The following PDE1C variants were observed in gnomAD, a reference collection of about 807,000 sequenced individuals.
The protein encoded by PDE1C is phosphodiesterase 1C.
Under a neutral mutation model 93.1 loss-of-function variants are expected in PDE1C, and 62 were observed. That is an observed-to-expected ratio of 0.67 (90% confidence interval 0.54 to 0.82). The LOEUF is 0.82. Among genes scored for constraint, PDE1C ranks in the 40% least tolerant of loss-of-function variants. PDE1C has a pLI of 0.00. For synonymous variants in PDE1C, 325 were observed against 310.1 expected, an observed-to-expected ratio of 1.05 and a Z score of -0.50; for missense variants, 742 against 884.6, an observed-to-expected ratio of 0.84 and a Z score of 2.04.
At chr7:31,959,594 G>T (rs1808633360) in intron 2 of PDE1C, among the ~76,000 whole-genome samples, 1 of 152,134 alleles carries the variant, frequency 6.6e-6, no homozygotes, top group South Asian at 2.1e-4. Flanking sequence ...TAAGACTATG[G>T]TGACAGGAAA....
chr7:31,681,374 T>C, the PDE1C span, among the ~76,000 whole-genome samples: 745 of 3,036 alleles, frequency 0.25, 7 homozygotes, highest in African/African-American at 0.41. Context: ...GATGGACGGA[T>C]GGATGGATGG....
intron 2 of PDE1C, among the ~76,000 whole-genome samples, chr7:31,955,719 G>A (rs577419365): frequency 2.4e-4 from 37 of 152,194 alleles, no homozygotes; most frequent in Middle Eastern, 3.4e-3. Context: ...CATTTGAAAC[G>A]TAAAAAAATT....
intron 3 of PDE1C, among the ~76,000 whole-genome samples, chr7:32,086,364 C>T (rs1184015619): frequency 1.3e-5 from 2 of 152,104 alleles, no homozygotes; most frequent in African/African-American, 4.8e-5. Context: ...AGGATACAAA[C>T]AAATGGAAGA....
chr7:31,846,720 A>T (rs923071284), intron 9 of PDE1C, among the ~76,000 whole-genome samples: 3 of 152,170 alleles, frequency 2.0e-5, no homozygotes, highest in African/African-American at 7.2e-5. Flanking sequence ...AAATTTTTGT[A>T]ATCAAACCTT....
chr7:32,014,588 C>G (rs1458309587), intron 2 of PDE1C, among the ~76,000 whole-genome samples: 1 of 152,150 alleles, frequency 6.6e-6, no homozygotes, highest in Non-Finnish European at 1.5e-5. Flanking sequence ...GCCCCGCATG[C>G]ATTAGGGGCT....
At chr7:31,850,547 C>A in intron 8 of PDE1C, 94 bp downstream of exon 8, 1 of 818,918 alleles carries the variant, frequency 1.2e-6, no homozygotes, top group Non-Finnish European at 2.2e-6. Flanking sequence ...AATAGGAAAC[C>A]TATGCAAAAG....
chr7:31,692,055 G>A, the PDE1C span, among the ~76,000 whole-genome samples: 1 of 152,114 alleles, frequency 6.6e-6, no homozygotes, highest in East Asian at 1.9e-4. Flanking sequence ...ACATAGGCAA[G>A]GTTTAAGCAT....
intron 1 of PDE1C, among the ~76,000 whole-genome samples, chr7:32,272,984 C>T (rs1038633603): frequency 6.6e-6 from 1 of 152,112 alleles, no homozygotes; most frequent in Non-Finnish European, 1.5e-5. Flanking sequence ...GCTTAGTTAA[C>T]CCTATGATAC....
At chr7:32,165,956 C>A (rs1181382789) in intron 3 of PDE1C, among the ~76,000 whole-genome samples, 1 of 151,964 alleles carries the variant, frequency 6.6e-6, no homozygotes. Flanking sequence ...AACAATCCCC[C>A]CGGGTGATTG....
chr7:32,298,603 A>G, intron 1 of PDE1C: 1 of 1,557,432 alleles, frequency 6.4e-7, no homozygotes, highest in Non-Finnish European at 8.7e-7. Flanking sequence ...GCCACCGGAG[A>G]GGGCGTTTGC....
chr7:32,354,703 G>A (rs1279319805), intron 1 of PDE1C, among the ~76,000 whole-genome samples: 1 of 152,036 alleles, frequency 6.6e-6, no homozygotes, highest in Non-Finnish European at 1.5e-5. Flanking sequence ...GAGAGATATG[G>A]ATCCTCACTC....
intron 2 of PDE1C, among the ~76,000 whole-genome samples, chr7:32,181,990 T>C (rs1803473974): frequency 1.3e-5 from 2 of 152,092 alleles, no homozygotes; most frequent in South Asian, 2.1e-4. Flanking sequence ...CCCACAGAAA[T>C]ACAAACTACC....
intron 1 of PDE1C, among the ~76,000 whole-genome samples, chr7:32,257,635 A>T (rs1809900965): frequency 6.6e-6 from 1 of 152,202 alleles, no homozygotes; most frequent in Non-Finnish European, 1.5e-5. Flanking sequence ...TATTGTTATT[A>T]TTACTACTAC....
intron 1 of PDE1C, among the ~76,000 whole-genome samples, chr7:32,405,951 G>A (rs1232820670): frequency 1.3e-5 from 2 of 152,146 alleles, no homozygotes; most frequent in Non-Finnish European, 2.9e-5. Context: ...TCACGCATTA[G>A]AGCAATAAGT....
At chr7:31,687,591 T>A in the PDE1C span, among the ~76,000 whole-genome samples, 1 of 152,326 alleles carries the variant, frequency 6.6e-6, no homozygotes, top group South Asian at 2.1e-4. Flanking sequence ...GAGAGGTTTA[T>A]CTTCCAAGGC....
chr7:32,339,980 A>T (rs1283546363), intron 1 of PDE1C, among the ~76,000 whole-genome samples: 2 of 152,154 alleles, frequency 1.3e-5, no homozygotes, highest in Non-Finnish European at 2.9e-5. Context: ...GGTGGGTAGC[A>T]AGCTTTAACC....
intron 2 of PDE1C, among the ~76,000 whole-genome samples, chr7:31,900,117 T>C (rs1799790095): frequency 6.6e-6 from 1 of 152,116 alleles, no homozygotes; most frequent in South Asian, 2.1e-4. Context: ...AATTAAAAAT[T>C]AAAACCCACA....
intron 1 of PDE1C, among the ~76,000 whole-genome samples, chr7:32,213,980 G>C (rs1364379926): frequency 1.3e-5 from 2 of 152,024 alleles, no homozygotes; most frequent in Non-Finnish European, 2.9e-5. Flanking sequence ...AAACTCAATA[G>C]TTTATGATAA....
chr7:31,844,253 A>C (rs1171861669), intron 9 of PDE1C, among the ~76,000 whole-genome samples: 2 of 151,678 alleles, frequency 1.3e-5, no homozygotes, highest in African/African-American at 4.8e-5. Context: ...AAAAATTAAT[A>C]AAATATAAAA....
Sources: allele counts gnomAD v4.1 joint callset (sites outside exome capture counted in the v4.1 genomes callset), GRCh38; gene constraint gnomAD v4.1.1; transcripts MANE v1.5; gene names NCBI Gene and HGNC (gene_info 2026-07-23, HGNC 2026-07-21).